The following OR1L8 variants were observed in gnomAD, a reference collection of about 807,000 sequenced individuals.
OR1L8 encodes the protein olfactory receptor family 1 subfamily L member 8, also known as olfactory receptor 1L8.
For missense variants in OR1L8, 330 were observed against 377.4 expected (o/e 0.87, Z 1.04); for synonymous variants, 148 against 147.0 (o/e 1.01, Z -0.05).
At chr9:122,571,153 C>T (rs973953572) in intron 4 of OR1L8, among the ~76,000 whole-genome samples, 1 of 152,198 alleles carries the variant, frequency 6.6e-6, no homozygotes, top group Non-Finnish European at 1.5e-5. Flanking sequence ...TCAGAATCCA[C>T]TCTTGCAGCT....
chr9:122,566,413 G>A (rs1829427527), downstream of OR1L8, among the ~76,000 whole-genome samples: 1 of 152,070 alleles, frequency 6.6e-6, no homozygotes, highest in East Asian at 1.9e-4. Flanking sequence ...TTACCCCAGT[G>A]GCTACACACA....
chr9:122,558,681 G>GATATAT, the OR1L8 span, among the ~76,000 whole-genome samples: 65 of 151,336 alleles, frequency 4.3e-4, no homozygotes, highest in Admixed American at 2.2e-3. Context: ...ATAATAGATG[G>GATATAT]ATATATGTAT....
chr9:122,565,282 A>T (rs145936209), downstream of OR1L8, among the ~76,000 whole-genome samples: 86 of 152,346 alleles, frequency 5.6e-4, 1 homozygote, highest in East Asian at 0.015. Context: ...TGAATGGGCA[A>T]AGATATGAAG....
downstream of OR1L8, among the ~76,000 whole-genome samples, chr9:122,563,237 T>G (rs767842499): frequency 3.9e-5 from 6 of 152,086 alleles, no homozygotes; most frequent in Non-Finnish European, 7.4e-5. Context: ...TGAGGTGATA[T>G]CTCATTGTGT....
At chr9:122,555,014 C>G in the OR1L8 span, among the ~76,000 whole-genome samples, 1 of 152,122 alleles carries the variant, frequency 6.6e-6, no homozygotes, top group African/African-American at 2.4e-5. Context: ...AGTCACAAAG[C>G]TTAACAATGG....
At chr9:122,566,610 T>C (rs1829430168), downstream of OR1L8, among the ~76,000 whole-genome samples, 1 of 152,206 alleles carries the variant, frequency 6.6e-6, no homozygotes, top group Non-Finnish European at 1.5e-5. Context: ...CATTTCCCTA[T>C]TGAAAAGGTT....
At chr9:122,579,293 TGA>T (rs926419757) in intron 1 of OR1L8, among the ~76,000 whole-genome samples, 12 of 151,982 alleles carry the variant, frequency 7.9e-5, no homozygotes, top group African/African-American at 2.4e-4. Context: ...ACATTTTAAT[TGA>T]GTTATATTTA....
chr9:122,582,185 G>C (rs968358219), intron 1 of OR1L8, among the ~76,000 whole-genome samples: 26 of 152,144 alleles, frequency 1.7e-4, no homozygotes, highest in African/African-American at 5.8e-4. Flanking sequence ...TAAAACTTCT[G>C]AGAAGTGTTG....
the OR1L8 span, among the ~76,000 whole-genome samples, chr9:122,551,553 G>A: frequency 6.6e-6 from 1 of 152,278 alleles, no homozygotes; most frequent in South Asian, 2.1e-4. Flanking sequence ...GTGCTGACTT[G>A]CCTAATGCAT....
the OR1L8 span, among the ~76,000 whole-genome samples, chr9:122,546,728 G>A: frequency 1.3e-5 from 2 of 152,064 alleles, no homozygotes; most frequent in Admixed American, 6.5e-5. Flanking sequence ...CCTCATTTAC[G>A]CCTGGAAAGT....
intron 3 of OR1L8, among the ~76,000 whole-genome samples, chr9:122,575,375 A>T (rs1026953241): frequency 6.6e-6 from 1 of 152,084 alleles, no homozygotes; most frequent in Non-Finnish European, 1.5e-5. Flanking sequence ...TTATAGATAC[A>T]GTTCTATCAA....
intron 3 of OR1L8, among the ~76,000 whole-genome samples, chr9:122,574,959 G>T (rs140420284): frequency 6.6e-6 from 1 of 152,174 alleles, no homozygotes; most frequent in East Asian, 1.9e-4. Flanking sequence ...ATGTATTCAT[G>T]TGGCTTTTCT....
At chr9:122,571,773 A>T (rs1829556956) in intron 4 of OR1L8, among the ~76,000 whole-genome samples, 1 of 151,336 alleles carries the variant, frequency 6.6e-6, no homozygotes, top group Non-Finnish European at 1.5e-5. Flanking sequence ...GTAGGGTTGT[A>T]GTGGTGCAGT....
chr9:122,570,514 C>A (rs533806661), intron 4 of OR1L8, among the ~76,000 whole-genome samples: 29 of 152,242 alleles, frequency 1.9e-4, no homozygotes, highest in African/African-American at 7.0e-4. Context: ...TCAGGTTTTT[C>A]ATGTATAAAA....
At chr9:122,552,790 G>GTGTGTGTC in the OR1L8 span, among the ~76,000 whole-genome samples, 1 of 149,174 alleles carries the variant, frequency 6.7e-6, no homozygotes, top group Non-Finnish European at 1.5e-5. Flanking sequence ...GTGTGTGTGT[G>GTGTGTGTC]TGTGTGTTGG....
At chr9:122,569,074 T>C (rs545413977) in intron 4 of OR1L8, among the ~76,000 whole-genome samples, 1 of 152,290 alleles carries the variant, frequency 6.6e-6, no homozygotes, top group Non-Finnish European at 1.5e-5. Context: ...CTAATGGTTT[T>C]TCAAAACAGC....
chr9:122,549,741 C>CATTAGAAAA, the OR1L8 span, among the ~76,000 whole-genome samples: 1 of 151,988 alleles, frequency 6.6e-6, no homozygotes, highest in East Asian at 1.9e-4. Flanking sequence ...TATACTAGTA[C>CATTAGAAAA]CATGTTGTTT....
the OR1L8 span, chr9:122,553,713 C>T: frequency 2.4e-5 from 38 of 1,613,840 alleles, no homozygotes; most frequent in Non-Finnish European, 2.8e-5. Context: ...GTTGCTGACC[C>T]GCGTGGCTTT....
chr9:122,574,911 G>GTGTT (rs1366112283), intron 3 of OR1L8, among the ~76,000 whole-genome samples: 4 of 151,962 alleles, frequency 2.6e-5, no homozygotes, highest in African/African-American at 9.7e-5. Flanking sequence ...TCATAGATGG[G>GTGTT]TGTTGGAGTT....
Sources: allele counts gnomAD v4.1 joint callset (sites outside exome capture counted in the v4.1 genomes callset), GRCh38; gene constraint gnomAD v4.1.1; transcripts MANE v1.5; gene names NCBI Gene and HGNC (gene_info 2026-07-23, HGNC 2026-07-21).